Variants in FBXO5 observed in about 807,000 individuals in gnomAD.
The protein encoded by FBXO5 is F-box protein 5, also known as F-box only protein 5.
Under a neutral mutation model 43.3 loss-of-function variants are expected in FBXO5, and 8 were observed. The ratio of observed to expected loss-of-function variants is 0.18; its 90% confidence interval spans 0.11 to 0.33. The LOEUF (loss-of-function observed/expected upper bound fraction) is 0.33. FBXO5 is among the 10% of genes least tolerant of loss of function. The pLI is 1.00. For missense variants in FBXO5, 491 were observed against 535.7 expected, an observed-to-expected ratio of 0.92 and a Z score of 0.82; for synonymous variants, 204 against 193.7, an observed-to-expected ratio of 1.05 and a Z score of -0.44.
chr6:152,973,698 C>G (rs1778120190), intron 2 of FBXO5: 5 of 152,264 alleles, frequency 3.3e-5, no homozygotes, highest in Admixed American at 3.3e-4. Context: ...CCTGTGTCTA[C>G]TAAAAATACA....
intron 1 of FBXO5, among the ~76,000 whole-genome samples, chr6:152,982,397 GA>G (rs1264492088): frequency 6.6e-6 from 1 of 152,070 alleles, no homozygotes; most frequent in Non-Finnish European, 1.5e-5. Context: ...GGCAGATGTA[GA>G]AAAGGGGCGC....
In FBXO5 at chr6:152,982,581, C is replaced by G. The variant is rs377745489; in HGVS notation, c.103+276G>C. Among the ~76,000 whole-genome samples the G allele has an allele frequency of 4.6e-5, 7 of 152,210 alleles. 1 individual carries two copies. Among genetic ancestry groups the G allele is most frequent in the East Asian group, 1.9e-4 (1 of 5,156 alleles). On this transcript the variant is annotated intron_variant, in intron 1 of 4. Coordinates refer to ENST00000229758, the MANE Select transcript of FBXO5 (RefSeq NM_012177.5). Reference sequence around the variant, plus strand: ...AAGGGCGCCCTGGGATGCCACGACCCGCACCTCCCGGGGCTGGAGTCCACG... The same window carrying G: ...AAGGGCGCCCTGGGATGCCACGACCGGCACCTCCCGGGGCTGGAGTCCACG...
At chr6:152,977,691 G>C (rs900357275) in intron 1 of FBXO5, among the ~76,000 whole-genome samples, 1 of 152,118 alleles carries the variant, frequency 6.6e-6, no homozygotes, top group Admixed American at 6.5e-5. Context: ...AATTAGGTTT[G>C]ATTTATATAT....
chr6:152,982,836 G>C (rs1778284404), intron 1 of FBXO5, 21 bp downstream of exon 1: 1 of 1,474,808 alleles, frequency 6.8e-7, no homozygotes, highest in East Asian at 2.9e-5. Flanking sequence ...CGCCCCCCTC[G>C]CGACCGCTCC....
chr6:152,982,650 T>C (rs886756209), intron 1 of FBXO5, among the ~76,000 whole-genome samples: 2 of 152,066 alleles, frequency 1.3e-5, no homozygotes, highest in African/African-American at 2.4e-5. Context: ...ATCCCGCCCC[T>C]GCACATCTGG....
intron 2 of FBXO5, 59 bp downstream of exon 2, chr6:152,974,848 G>T: frequency 1.5e-6 from 2 of 1,341,408 alleles, no homozygotes; most frequent in East Asian, 2.3e-5. Context: ...GTGGTACTGA[G>T]CCACTAACAG....
In FBXO5 at chr6:152,973,174, C is replaced by T. The variant is rs1244132451; in HGVS notation, c.819-38G>A. 3 of 1,509,406 alleles carry T rather than the reference C, an allele frequency of 2.0e-6. No homozygotes were observed. The African/African-American group carries it at 4.1e-5, about 21-fold the overall frequency. The allele number at this position is 1,509,406 out of a possible 1,614,324, so 93.5% of individuals were successfully genotyped here. On this transcript the variant is annotated intron_variant, in intron 2 of 4. Coordinates refer to ENST00000229758, the MANE Select transcript of FBXO5 (RefSeq NM_012177.5). ...ATCACCATAAATGAAATAATTAAAG[C>T]ATCACAAAGAGCTAAGATGAATACA...
chr6:152,983,519 A>G (rs1778302046), upstream of FBXO5: 1 of 152,384 alleles, frequency 6.6e-6, no homozygotes, highest in Non-Finnish European at 1.5e-5. Context: ...CCGGGAATCC[A>G]GACTTTCCGG....
intron 4 of FBXO5, 24 bp from the exon 5 acceptor site, chr6:152,971,438 T>C: frequency 6.4e-7 from 1 of 1,572,220 alleles, no homozygotes; most frequent in Non-Finnish European, 8.6e-7. Context: ...AAAAACCCAT[T>C]AACAAATTTC....
chr6:152,982,511 G>A (rs1778278368), intron 1 of FBXO5, among the ~76,000 whole-genome samples: 1 of 152,092 alleles, frequency 6.6e-6, no homozygotes, highest in South Asian at 2.1e-4. Context: ...GGCATTTGGC[G>A]CCTATTCAAG....
chr6:152,976,429 C>CGAGT, intron 1 of FBXO5, among the ~76,000 whole-genome samples: 1 of 152,212 alleles, frequency 6.6e-6, no homozygotes, highest in East Asian at 1.9e-4. Context: ...ATAGTAAACT[C>CGAGT]GAGTACCGGG....
intron 1 of FBXO5, among the ~76,000 whole-genome samples, chr6:152,981,770 T>C (rs6557253): frequency 0.21 from 31,367 of 151,916 alleles, 3,470 homozygotes; most frequent in African/African-American, 0.29. Context: ...AAATTAAGTA[T>C]TTTTTTCTAG....
intron 2 of FBXO5, 75 bp downstream of exon 2, chr6:152,974,832 G>C: frequency 1.8e-6 from 2 of 1,138,808 alleles, no homozygotes; most frequent in Non-Finnish European, 2.5e-6. Flanking sequence ...GCCTTTGCAT[G>C]AGCTGGTGGT....
At chr6:152,980,341 T>C (rs569057257) in intron 1 of FBXO5, among the ~76,000 whole-genome samples, 5 of 152,338 alleles carry the variant, frequency 3.3e-5, no homozygotes, top group Admixed American at 3.3e-4. Context: ...TTCTGAGATC[T>C]GAACACCTTA....
intron 1 of FBXO5, 24 bp downstream of exon 1, chr6:152,982,833 C>A: frequency 6.8e-7 from 1 of 1,472,170 alleles, no homozygotes; most frequent in Middle Eastern, 2.4e-4. Flanking sequence ...GCGCGCCCCC[C>A]TCGCGACCGC....
At position 152,975,196 on chromosome 6, in the gene FBXO5, G is replaced by A. The variant is rs752044382; in HGVS notation, c.529C>T (p.Leu177=). 2.2e-5 allele frequency: 35 copies of A among 1,614,062 alleles called. No homozygotes were observed. The highest frequency in any genetic ancestry group is 3.3e-5 in the Admixed American group (2 of 60,006). Residue 177 remains leucine, a synonymous_variant, in exon 2 of 5, where the codon CTG becomes TTG. Coordinates refer to ENST00000229758, the MANE Select transcript of FBXO5 (RefSeq NM_012177.5). ...TGGTCTGGGCTTTGTATTTGTAGCA[G>A]GCAGGATTGTAGACTGTCACCGAAA... is the stretch of plus-strand genomic sequence containing the variant. The part of the protein sequence containing the change: ...ENFGDSLQSC[L]LQIQSPDQYP...
chr6:152,977,639 T>G (rs772004613), intron 1 of FBXO5, among the ~76,000 whole-genome samples: 2 of 152,142 alleles, frequency 1.3e-5, no homozygotes, highest in Non-Finnish European at 2.9e-5. Flanking sequence ...AAGTAAAAAA[T>G]GCCAAGAGAT....
In FBXO5 at chr6:152,980,825, A is replaced by G. The variant is rs141694770; in HGVS notation, c.103+2032T>C. 9.7e-3 allele frequency among the ~76,000 whole-genome samples: 1,471 copies of G among 152,284 alleles called. 14 individuals are homozygous for G. Among genetic ancestry groups the G allele is most frequent in the African/African-American group, 0.033 (1,366 of 41,560 alleles). On this transcript the variant is annotated intron_variant, in intron 1 of 4. Transcript: ENST00000229758. ...CGAAGGTATACAGTGCTATTTACTG[A>G]GTATGGAAAACTGAAGAAGTTAACT...
At chr6:152,974,732 G>T (rs1169462371) in intron 2 of FBXO5, among the ~76,000 whole-genome samples, 175 bp downstream of exon 2, 3 of 152,158 alleles carry the variant, frequency 2.0e-5, no homozygotes, top group Non-Finnish European at 4.4e-5. Flanking sequence ...AACCTGTAGG[G>T]TATAATACAA....
Sources: allele counts gnomAD v4.1 joint callset (sites outside exome capture counted in the v4.1 genomes callset), GRCh38; gene constraint gnomAD v4.1.1; transcripts MANE v1.5; gene names NCBI Gene and HGNC (gene_info 2026-07-23, HGNC 2026-07-21).